Variants in DCC observed in about 807,000 individuals in gnomAD.
DCC encodes the protein netrin receptor DCC.
DCC carries 58 observed loss-of-function variants against 172.5 expected under a neutral mutation model. The ratio of observed to expected loss-of-function variants is 0.34; its 90% CI spans 0.27 to 0.42. DCC has a LOEUF of 0.42. Ranked by LOEUF, DCC falls within the 10% of genes least tolerant of loss-of-function variation. DCC has a pLI of 1.00. For missense variants in DCC, 1,740 were observed against 1,791.0 expected, an observed-to-expected ratio of 0.97 and a Z score of 0.51; for synonymous variants, 709 against 644.5, an observed-to-expected ratio of 1.10 and a Z score of -1.52.
chr18:53,143,533 T>C (rs1357612713), intron 7 of DCC, among the ~76,000 whole-genome samples: 1 of 152,214 alleles, frequency 6.6e-6, no homozygotes, highest in Non-Finnish European at 1.5e-5. Flanking sequence ...TCACCTCTGG[T>C]TCATCTTGAG....
At chr18:52,430,628 A>T (rs1417258572) in intron 1 of DCC, among the ~76,000 whole-genome samples, 1 of 152,304 alleles carries the variant, frequency 6.6e-6, no homozygotes, top group Middle Eastern at 3.4e-3. Flanking sequence ...CATTTCTTAC[A>T]TACATACAAA....
Position 53,244,512 on chromosome 18 carries a change from G to A in DCC, c.1911+28915G>A, listed in dbSNP as rs549516617. ...CTGGGTTCAGCTGTGTGGTTCTTCT[G>A]CTTTATGTGACATAAGCAAAGTCTA... On this transcript the variant is annotated intron_variant, in intron 12 of 28. Coordinates refer to ENST00000442544, the MANE Select transcript of DCC (RefSeq NM_005215.4). Among the ~76,000 whole-genome samples, 5 of 152,264 alleles carry A rather than the reference G, an allele frequency of 3.3e-5. No individual in the cohort carries two copies. In the East Asian group the frequency reaches 9.7e-4, roughly 29 times the overall value.
chr18:52,640,421 TC>T (rs2034868076), intron 1 of DCC, among the ~76,000 whole-genome samples: 1 of 152,152 alleles, frequency 6.6e-6, no homozygotes, highest in Admixed American at 6.5e-5. Flanking sequence ...AGTTGAACTG[TC>T]ACTGTTTGCT....
At chr18:52,350,217 C>T (rs372255613) in intron 1 of DCC, among the ~76,000 whole-genome samples, 1 of 152,210 alleles carries the variant, frequency 6.6e-6, no homozygotes, top group East Asian at 1.9e-4. Flanking sequence ...GTGAAGGTGA[C>T]AGGCACACAC....
chr18:53,318,452 T>C (rs10153335), intron 13 of DCC, among the ~76,000 whole-genome samples: 15,274 of 152,182 alleles, frequency 0.1, 821 homozygotes, highest in Middle Eastern at 0.19. Flanking sequence ...GAAGAATGTA[T>C]ATTCTGTTGA....
At chr18:52,632,963 G>A (rs1374847597) in intron 1 of DCC, among the ~76,000 whole-genome samples, 2 of 152,092 alleles carry the variant, frequency 1.3e-5, no homozygotes, top group Non-Finnish European at 2.9e-5. Flanking sequence ...TGACCAGGCT[G>A]TTCCCCAGGG....
chr18:53,025,057 ATGCT>A (rs1049122922), intron 5 of DCC, among the ~76,000 whole-genome samples: 8 of 152,282 alleles, frequency 5.3e-5, no homozygotes, highest in African/African-American at 1.9e-4. Context: ...ATTCTTGAAA[ATGCT>A]TGAATTTCAC....
chr18:52,861,024 A>G (rs2039134616), intron 2 of DCC, among the ~76,000 whole-genome samples: 1 of 151,976 alleles, frequency 6.6e-6, no homozygotes, highest in African/African-American at 2.4e-5. Flanking sequence ...AAAAAAAAAA[A>G]AAAAAAATTT....
chr18:53,310,579 C>T (rs1372975863), intron 13 of DCC, among the ~76,000 whole-genome samples: 1 of 151,942 alleles, frequency 6.6e-6, no homozygotes, highest in Non-Finnish European at 1.5e-5. Context: ...ATTGTGAGAA[C>T]CCACGTCAAC....
chr18:52,968,287 C>T (rs564293245), intron 5 of DCC, among the ~76,000 whole-genome samples: 1 of 151,956 alleles, frequency 6.6e-6, no homozygotes, highest in Non-Finnish European at 1.5e-5. Context: ...ACATTTTCTA[C>T]TAATAGTGAG....
intron 1 of DCC, among the ~76,000 whole-genome samples, chr18:52,400,148 G>A (rs953059091): frequency 1.4e-4 from 22 of 151,878 alleles, no homozygotes; most frequent in African/African-American, 4.6e-4. Context: ...TTCAAAATAT[G>A]TCTGCTTTTG....
intron 1 of DCC, among the ~76,000 whole-genome samples, chr18:52,573,381 G>A (rs115305869): frequency 7.6e-4 from 115 of 152,258 alleles, no homozygotes; most frequent in African/African-American, 2.5e-3. Flanking sequence ...CATCCTTGAA[G>A]TTATTTCTCC....
chr18:52,792,561 T>A (rs1301460270), intron 2 of DCC, among the ~76,000 whole-genome samples: 2 of 152,182 alleles, frequency 1.3e-5, no homozygotes, highest in Non-Finnish European at 2.9e-5. Flanking sequence ...GGAGGCTGGT[T>A]CAAACATGGC....
intron 1 of DCC, among the ~76,000 whole-genome samples, chr18:52,403,250 A>G (rs1986507849): frequency 6.6e-6 from 1 of 152,110 alleles, no homozygotes; most frequent in African/African-American, 2.4e-5. Flanking sequence ...AAGGTAGGCC[A>G]GATCCTGGTG....
At chr18:53,338,578 G>A (rs1427477971) in intron 14 of DCC, among the ~76,000 whole-genome samples, 1 of 152,198 alleles carries the variant, frequency 6.6e-6, no homozygotes, top group East Asian at 1.9e-4. Flanking sequence ...TCTAGCCTGG[G>A]CGACAGAGTG....
chr18:53,128,374 G>A (rs2043596239), intron 7 of DCC, among the ~76,000 whole-genome samples: 1 of 151,948 alleles, frequency 6.6e-6, no homozygotes, highest in Non-Finnish European at 1.5e-5. Context: ...AGCTTAACTT[G>A]GCTTCAAAGC....
At chr18:52,849,691 T>A (rs557824277) in intron 2 of DCC, among the ~76,000 whole-genome samples, 1 of 152,314 alleles carries the variant, frequency 6.6e-6, no homozygotes, top group Admixed American at 6.5e-5. Flanking sequence ...CTTTATAACA[T>A]GATTATTTAT....
At chr18:53,430,350 C>T (rs1188589048) in intron 21 of DCC, among the ~76,000 whole-genome samples, 1 of 152,046 alleles carries the variant, frequency 6.6e-6, no homozygotes, top group Non-Finnish European at 1.5e-5. Context: ...TCTCTTATGC[C>T]CATTCAGGGA....
intron 1 of DCC, among the ~76,000 whole-genome samples, chr18:52,573,313 C>T (rs181861531): frequency 1.4e-4 from 22 of 152,028 alleles, no homozygotes; most frequent in Admixed American, 5.2e-4. Context: ...AGTTAGGGGG[C>T]AAGAAGGAGA....
Sources: allele counts gnomAD v4.1 joint callset (sites outside exome capture counted in the v4.1 genomes callset), GRCh38; gene constraint gnomAD v4.1.1; transcripts MANE v1.5; gene names NCBI Gene and HGNC (gene_info 2026-07-23, HGNC 2026-07-21).